Variants in RHBDL2 observed in about 807,000 individuals in gnomAD.
RHBDL2 encodes the protein rhomboid like 2.
In RHBDL2, 26 loss-of-function variants were observed where a neutral mutation model predicts 31.7. That is an observed-to-expected ratio of 0.82 (90% CI 0.60 to 1.14). The LOEUF (loss-of-function observed/expected upper bound fraction) is 1.14. Among genes scored for constraint, RHBDL2 ranks in the 50% most tolerant of loss-of-function variants. The pLI, the probability that RHBDL2 is intolerant of heterozygous loss-of-function variation, is 0.00. For synonymous variants in RHBDL2, 123 were observed against 127.2 expected, an observed-to-expected ratio of 0.97 and a Z score of 0.22; for missense variants, 336 against 364.4, an observed-to-expected ratio of 0.92 and a Z score of 0.63.
chr1:38,907,560 A>T (rs1219356827), intron 4 of RHBDL2, among the ~76,000 whole-genome samples: 1 of 151,356 alleles, frequency 6.6e-6, no homozygotes, highest in African/African-American at 2.4e-5. Flanking sequence ...AAATACATAA[A>T]ATTAAAGAAA....
At chr1:38,915,760 G>C in intron 2 of RHBDL2, 50 bp from the exon 3 acceptor site, 1 of 1,606,058 alleles carries the variant, frequency 6.2e-7, no homozygotes, top group Non-Finnish European at 8.5e-7. Context: ...TCCAGAGAGG[G>C]GCCCCATCCA....
chr1:38,892,858 A>T (rs1248250582), intron 6 of RHBDL2, among the ~76,000 whole-genome samples: 1 of 152,230 alleles, frequency 6.6e-6, no homozygotes, highest in East Asian at 1.9e-4. Context: ...AAACAAATTG[A>T]GTCTAAGAAT....
intron 4 of RHBDL2, among the ~76,000 whole-genome samples, chr1:38,897,571 C>G (rs74951840): frequency 0.023 from 3,467 of 152,064 alleles, 137 homozygotes; most frequent in African/African-American, 0.077. Flanking sequence ...AAATATTAGC[C>G]AAGCATGGTG....
chr1:38,920,465 G>A (rs983708840), intron 1 of RHBDL2, among the ~76,000 whole-genome samples: 1 of 151,864 alleles, frequency 6.6e-6, no homozygotes, highest in Non-Finnish European at 1.5e-5. Flanking sequence ...ATTACACCTG[G>A]CCTAGAATTT....
rs371953902 is a variant in RHBDL2 at position 38,895,975 on chromosome 1, A to G, written c.603T>C (p.Val201=). The G allele has an allele frequency of 2.3e-5, 37 of 1,608,268 alleles. No homozygotes were observed. In the African/African-American group the frequency reaches 3.5e-4, roughly 15 times the overall value. ...YALMGGYFMN[V]LVNFQEMIPA... ...CCATCCCCATGGTTCTTACCACCAG[A>G]ACATTCATAAAATAGCCTCCCATCA... The change falls in exon 5 of 8, where the codon GTT becomes GTC. Residue 201 remains valine, a synonymous_variant. Coordinates refer to ENST00000372990, the MANE Select transcript of RHBDL2 (RefSeq NM_017821.5).
chr1:38,898,646 T>C (rs188299944), intron 4 of RHBDL2, among the ~76,000 whole-genome samples: 1 of 152,234 alleles, frequency 6.6e-6, no homozygotes. Flanking sequence ...ATACAGCGCA[T>C]GAAGCAGGAA....
intron 3 of RHBDL2, 61 bp downstream of exon 3, chr1:38,915,501 T>A: frequency 6.5e-7 from 1 of 1,548,722 alleles, no homozygotes; most frequent in Non-Finnish European, 8.8e-7. Flanking sequence ...ACTCAACAAA[T>A]GTTAGAGGTT....
At chr1:38,913,931 A>G (rs1431053724) in intron 3 of RHBDL2, among the ~76,000 whole-genome samples, 1 of 152,112 alleles carries the variant, frequency 6.6e-6, no homozygotes, top group Non-Finnish European at 1.5e-5. Context: ...ATCCTGGCCA[A>G]CATGGTGAAA....
chr1:38,890,731 G>A (rs368031275), intron 6 of RHBDL2, among the ~76,000 whole-genome samples: 6 of 149,142 alleles, frequency 4.0e-5, no homozygotes, highest in Admixed American at 6.7e-5. Context: ...AGACAACCTC[G>A]CTCTGCTGCC....
At chr1:38,916,973 T>G (rs1162973138) in intron 2 of RHBDL2, among the ~76,000 whole-genome samples, 1 of 150,354 alleles carries the variant, frequency 6.7e-6, no homozygotes, top group Non-Finnish European at 1.5e-5. Context: ...AAATGTAGGA[T>G]ATAAACAATG....
chr1:38,938,688 C>T (rs1643534916), intron 1 of RHBDL2, among the ~76,000 whole-genome samples: 1 of 152,220 alleles, frequency 6.6e-6, no homozygotes, highest in Non-Finnish European at 1.5e-5. Flanking sequence ...TCCTTTACAA[C>T]TCCTCTGCAA....
chr1:38,929,657 G>T lies in RHBDL2; in HGVS notation c.-125-10320C>A, dbSNP rs114228096. 2.5e-3 allele frequency: 2,766 copies of T among 1,124,726 alleles called. 54 individuals are homozygous for T. In the African/African-American group the frequency reaches 0.037, roughly 15 times the overall value. The allele number at this position is 1,124,726 out of a possible 1,614,324, so 69.7% of individuals were successfully genotyped here. The stretch of plus-strand genomic sequence containing the variant: ...GGAGGCTGGGCAGCGGGCTGTGCTG[G>T]GTGTAGCCAATTGCTGCCCAGCTGG... On this transcript the variant is annotated intron_variant, in intron 1 of 7. Coordinates refer to ENST00000372990, the MANE Select transcript of RHBDL2 (RefSeq NM_017821.5).
rs1397309239 is a variant in RHBDL2 at position 38,888,038 on chromosome 1, C to T, written c.671-14G>A. The T allele has an allele frequency of 6.2e-7, 1 of 1,601,860 alleles. No homozygotes were observed. The highest frequency in any genetic ancestry group is 1.7e-5 in the Admixed American group (1 of 59,572). ...TGTCCAACACAACTAGAAGGAAAAA[C>T]ACCCTGATAAAGGCTCAGAATCTCC... On this transcript the variant is annotated splice_polypyrimidine_tract_variant and intron_variant, in intron 6 of 7. Coordinates refer to ENST00000372990, the MANE Select transcript of RHBDL2 (RefSeq NM_017821.5).
intron 1 of RHBDL2, among the ~76,000 whole-genome samples, chr1:38,919,563 CAT>C (rs1450713391): frequency 1.4e-5 from 2 of 146,222 alleles, no homozygotes; most frequent in Non-Finnish European, 3.1e-5. Context: ...ATACACATAA[CAT>C]AAAATTTACC....
chr1:38,920,586 A>G (rs1232965126), intron 1 of RHBDL2, among the ~76,000 whole-genome samples: 1 of 149,150 alleles, frequency 6.7e-6, no homozygotes, highest in East Asian at 2.0e-4. Flanking sequence ...GCTATTGTGA[A>G]CATCCCTGTA....
At chr1:38,941,362 T>C (rs919528061) in intron 1 of RHBDL2, among the ~76,000 whole-genome samples, 6 of 152,090 alleles carry the variant, frequency 3.9e-5, no homozygotes, top group Non-Finnish European at 8.8e-5. Context: ...GAGAACGTGA[T>C]GGCTGGAGGG....
intron 1 of RHBDL2, among the ~76,000 whole-genome samples, chr1:38,925,567 C>A (rs971501520): frequency 6.6e-6 from 1 of 151,936 alleles, no homozygotes; most frequent in Non-Finnish European, 1.5e-5. Context: ...CTGGCTGATG[C>A]ACTCACTGAA....
chr1:38,941,404 G>A (rs757419559), intron 1 of RHBDL2, among the ~76,000 whole-genome samples: 1 of 152,102 alleles, frequency 6.6e-6, no homozygotes, highest in Non-Finnish European at 1.5e-5. Context: ...GAAGAGGAAT[G>A]GAATTACTCT....
chr1:38,919,314 A>G lies in RHBDL2; in HGVS notation c.-102T>C, dbSNP rs759384040. On this transcript the variant is annotated 5_prime_UTR_variant, in exon 2 of 8. Coordinates refer to ENST00000372990, the MANE Select transcript of RHBDL2 (RefSeq NM_017821.5). ...CGCTCTTCCCTGGGCTGTCTGGCGCAACGACTGCTTTCCAAGGCCTTTCCT... is the reference window on the plus strand; with the variant it reads ...CGCTCTTCCCTGGGCTGTCTGGCGCGACGACTGCTTTCCAAGGCCTTTCCT... 6.2e-7 allele frequency: 1 copy of G among 1,603,462 alleles called. No homozygotes were observed. The highest frequency in any genetic ancestry group is 1.7e-5 in the Admixed American group (1 of 59,826).
Sources: gnomAD v4.1 joint callset for allele counts (sites outside exome capture counted in the v4.1 genomes callset) on GRCh38, gnomAD v4.1.1 for gene constraint, MANE v1.5 for transcripts, NCBI Gene and HGNC (gene_info 2026-07-23, HGNC 2026-07-21) for gene names.